The following NFIA variants were observed in gnomAD, a reference collection of about 807,000 sequenced individuals.
NFIA encodes the protein nuclear factor I A, also known as nuclear factor 1 A-type.
NFIA carries 8 observed loss-of-function variants against 62.8 expected under a neutral mutation model. The observed-to-expected ratio is 0.13, with a 90% confidence interval of 0.07 to 0.23. The LOEUF (loss-of-function observed/expected upper bound fraction) is 0.23, where lower values mean the gene tolerates loss of function less well. NFIA is among the 10% of genes least tolerant of loss of function. The probability of loss-of-function intolerance (pLI) is 1.00; values close to 1 mark genes in which losing one functional copy is unlikely to be tolerated. For missense variants in NFIA, 410 were observed against 642.1 expected (o/e 0.64, Z 3.91); for synonymous variants, 235 against 238.1 (o/e 0.99, Z 0.12).
chr1:61,454,855 A>C (rs900544144), intron 10 of NFIA, among the ~76,000 whole-genome samples: 4 of 152,200 alleles, frequency 2.6e-5, no homozygotes, highest in Admixed American at 2.0e-4. Context: ...CAGAGTAGCC[A>C]TTCATTGCCA....
At chr1:61,078,918 T>A (rs1165215407), upstream of NFIA, among the ~76,000 whole-genome samples, 1 of 152,244 alleles carries the variant, frequency 6.6e-6, no homozygotes, top group Non-Finnish European at 1.5e-5. Flanking sequence ...AGACAGTAAC[T>A]GGCAGCCTCT....
intron 3 of NFIA, among the ~76,000 whole-genome samples, chr1:61,325,893 G>T (rs190776926): frequency 7.8e-6 from 1 of 128,298 alleles, no homozygotes; most frequent in Non-Finnish European, 1.5e-5. Context: ...AAATGGCGCC[G>T]CTGCACTCCA....
intron 5 of NFIA, among the ~76,000 whole-genome samples, chr1:61,356,331 A>T (rs1410147987): frequency 6.6e-6 from 1 of 152,134 alleles, no homozygotes; most frequent in Non-Finnish European, 1.5e-5. Flanking sequence ...TTTTTCTAAC[A>T]TGTATTCTTT....
chr1:61,241,862 C>A (rs1039012144), intron 2 of NFIA, among the ~76,000 whole-genome samples: 2 of 152,094 alleles, frequency 1.3e-5, no homozygotes, highest in South Asian at 4.2e-4. Context: ...ATAACATGGT[C>A]ATTTTCTTTA....
At chr1:61,418,002 A>T (rs1666434074) in intron 9 of NFIA, among the ~76,000 whole-genome samples, 1 of 152,198 alleles carries the variant, frequency 6.6e-6, no homozygotes, top group Non-Finnish European at 1.5e-5. Context: ...TGCCAAGATC[A>T]CATTTCTAAT....
chr1:61,283,319 C>G (rs1437426395), intron 3 of NFIA, among the ~76,000 whole-genome samples: 1 of 151,666 alleles, frequency 6.6e-6, no homozygotes, highest in African/African-American at 2.4e-5. Flanking sequence ...GCCTGTAATC[C>G]TAGCACTTTG....
intron 5 of NFIA, among the ~76,000 whole-genome samples, chr1:61,353,293 A>T (rs564650348): frequency 2.0e-5 from 3 of 152,296 alleles, no homozygotes; most frequent in Admixed American, 6.5e-5. Context: ...AGACCTTAAA[A>T]ACAGTAAAGC....
intron 7 of NFIA, among the ~76,000 whole-genome samples, chr1:61,391,506 A>G (rs1243200443): frequency 1.3e-5 from 2 of 150,632 alleles, no homozygotes; most frequent in Non-Finnish European, 2.9e-5. Flanking sequence ...TAGAAGTAAA[A>G]TTGCCTTGAT....
intron 3 of NFIA, among the ~76,000 whole-genome samples, chr1:61,282,214 T>C (rs1658179907): frequency 6.6e-6 from 1 of 152,050 alleles, no homozygotes; most frequent in Admixed American, 6.5e-5. Flanking sequence ...GGTCAGATGT[T>C]TGAAACATCA....
At position 61,389,191 on chromosome 1, in the gene NFIA, TCTC is replaced by T. The variant is rs565434383; in HGVS notation, c.1075+5829_1075+5831del. 2.0e-5 allele frequency among the ~76,000 whole-genome samples: 3 copies of T among 152,302 alleles called. No individual in the cohort carries two copies. The East Asian group carries it at 5.8e-4, about 29-fold the overall frequency. ...AGTGCCATCAGGGATTGAGATTTCT[TCTC>T]CTAGACATGTTTCAGTGGGTTGTTT... is the stretch of plus-strand genomic sequence containing the variant. On this transcript the variant is annotated intron_variant, in intron 7 of 10. Transcript: ENST00000403491.
At chr1:61,425,624 T>A (rs1462719302) in intron 9 of NFIA, among the ~76,000 whole-genome samples, 1 of 152,184 alleles carries the variant, frequency 6.6e-6, no homozygotes, top group East Asian at 1.9e-4. Flanking sequence ...AAAAACAAAA[T>A]GTACCTTTGG....
chr1:61,154,234 G>A lies in NFIA; in HGVS notation c.559+65554G>A, dbSNP rs187667063. 2.6e-5 allele frequency among the ~76,000 whole-genome samples: 4 copies of A among 152,206 alleles called. No individual in the cohort carries two copies. In the East Asian group the frequency reaches 7.7e-4, roughly 29 times the overall value. On this transcript the variant is annotated intron_variant, in intron 2 of 10. Transcript: ENST00000403491. ...TGCGATCTTGGCTCACTGCAACCAA[G>A]TGAGCCTTGGCTCACCGCCTCCCAG... is the stretch of plus-strand genomic sequence containing the variant.
At chr1:61,377,787 G>A (rs1054061655) in intron 6 of NFIA, among the ~76,000 whole-genome samples, 1 of 152,100 alleles carries the variant, frequency 6.6e-6, no homozygotes, top group Non-Finnish European at 1.5e-5. Context: ...CTGCTGTCCC[G>A]AGCAGCACTT....
chr1:61,208,862 C>A (rs182208246), intron 2 of NFIA, among the ~76,000 whole-genome samples: 288 of 152,180 alleles, frequency 1.9e-3, no homozygotes, highest in African/African-American at 6.7e-3. Context: ...TTAAAAAGGG[C>A]TCAGACGTGA....
chr1:61,347,033 C>T (rs959453367), intron 4 of NFIA, among the ~76,000 whole-genome samples: 1 of 152,126 alleles, frequency 6.6e-6, no homozygotes, highest in African/African-American at 2.4e-5. Flanking sequence ...CCACCCTTGA[C>T]ATGTGGAAAT....
At chr1:61,268,372 T>C (rs1196348246) in intron 2 of NFIA, among the ~76,000 whole-genome samples, 1 of 152,166 alleles carries the variant, frequency 6.6e-6, no homozygotes, top group Non-Finnish European at 1.5e-5. Context: ...GTTTCAAATC[T>C]CTTCTACCAT....
intron 2 of NFIA, chr1:61,133,173 T>G (rs2100492695): frequency 6.6e-6 from 1 of 152,190 alleles, no homozygotes; most frequent in Middle Eastern, 3.4e-3. Context: ...AACCAATGTG[T>G]AACTCAAATA....
Position 61,207,789 on chromosome 1 carries a change from CTTTA to C in NFIA, c.560-69724_560-69721del, listed in dbSNP as rs899670270. Among the ~76,000 whole-genome samples the C allele has an allele frequency of 2.0e-5, 3 of 152,114 alleles. 1 individual carries two copies. The South Asian group carries it at 6.2e-4, about 31-fold the overall frequency. ...CTTTTGCTTTTGTTAGGCGTAGGCC[CTTTA>C]TTTATTCAGACAAAAGTTTTTAAAA... is the stretch of plus-strand genomic sequence containing the variant. On this transcript the variant is annotated intron_variant, in intron 2 of 10. Coordinates refer to ENST00000403491, the MANE Select transcript of NFIA (RefSeq NM_001134673.4).
intron 2 of NFIA, among the ~76,000 whole-genome samples, chr1:61,211,878 G>A (rs1653284793): frequency 6.6e-6 from 1 of 151,984 alleles, no homozygotes; most frequent in Admixed American, 6.6e-5. Context: ...TGTATTTTTT[G>A]TAGACACTGG....
Sources: gnomAD v4.1 joint callset for allele counts (sites outside exome capture counted in the v4.1 genomes callset) on GRCh38, gnomAD v4.1.1 for gene constraint, MANE v1.5 for transcripts, NCBI Gene and HGNC (gene_info 2026-07-23, HGNC 2026-07-21) for gene names.